MEI4: variants seen among roughly 807,000 people sequenced by gnomAD.
The protein encoded by MEI4 is meiosis-specific protein MEI4.
A neutral mutation model predicts 31.4 loss-of-function variants in MEI4; 27 were observed. The observed-to-expected ratio is 0.86, with a 90% CI of 0.63 to 1.19. The LOEUF is 1.19. Ranked by LOEUF, MEI4 falls within the 50% of genes most tolerant of loss-of-function variation. The pLI is 0.00. For missense variants in MEI4, 329 were observed against 398.9 expected, an observed-to-expected ratio of 0.82 and a Z score of 1.49; for synonymous variants, 122 against 145.4, an observed-to-expected ratio of 0.84 and a Z score of 1.16.
chr6:77,797,043 A>C (rs1769097966), intron 3 of MEI4, among the ~76,000 whole-genome samples: 1 of 152,216 alleles, frequency 6.6e-6, no homozygotes, highest in Non-Finnish European at 1.5e-5. Flanking sequence ...ACACATGTGT[A>C]TGATTAACTG....
intron 4 of MEI4, among the ~76,000 whole-genome samples, chr6:77,903,734 T>C (rs1230838937): frequency 6.6e-6 from 1 of 152,166 alleles, no homozygotes; most frequent in Non-Finnish European, 1.5e-5. Context: ...TGAAAGTTTT[T>C]AGCATGAAAT....
intron 3 of MEI4, among the ~76,000 whole-genome samples, chr6:77,813,683 T>C (rs1769625868): frequency 6.6e-6 from 1 of 152,090 alleles, no homozygotes. Context: ...GGGCTAGACC[T>C]AATGGTGGTT....
intron 2 of MEI4, among the ~76,000 whole-genome samples, chr6:77,742,264 A>C (rs1767429943): frequency 6.6e-6 from 1 of 151,362 alleles, no homozygotes; most frequent in African/African-American, 2.4e-5. Flanking sequence ...CTATTTCTCC[A>C]CATCCTCTCC....
At chr6:77,800,684 C>A (rs1198699477) in intron 3 of MEI4, among the ~76,000 whole-genome samples, 2 of 151,742 alleles carry the variant, frequency 1.3e-5, no homozygotes, top group South Asian at 4.2e-4. Context: ...CTAATTTAGT[C>A]AGAATTTTTA....
At chr6:77,913,709 T>A (rs1766479896) in intron 4 of MEI4, among the ~76,000 whole-genome samples, 1 of 151,806 alleles carries the variant, frequency 6.6e-6, no homozygotes, top group Non-Finnish European at 1.5e-5. Context: ...TAACAGATTA[T>A]CGATTTTGTT....
chr6:77,695,789 A>G (rs1224743504), intron 2 of MEI4, among the ~76,000 whole-genome samples: 1 of 152,108 alleles, frequency 6.6e-6, no homozygotes. Flanking sequence ...AGTTTTTTCC[A>G]ATTCTGTGAA....
intron 1 of MEI4, among the ~76,000 whole-genome samples, chr6:77,656,106 G>A (rs972919745): frequency 6.6e-6 from 1 of 151,956 alleles, no homozygotes; most frequent in African/African-American, 2.4e-5. Flanking sequence ...CTTTCACCAT[G>A]GCAGAACTCT....
chr6:77,689,923 A>G (rs1182548340), intron 1 of MEI4, among the ~76,000 whole-genome samples: 1 of 151,990 alleles, frequency 6.6e-6, no homozygotes, highest in Non-Finnish European at 1.5e-5. Flanking sequence ...ATACTTGAGT[A>G]GGGATGATAT....
rs1446624518 is a variant in MEI4, at chr6:77,847,846, T to C, written c.900+18784T>C. ...ATGAGGATTTTCACTTTAAATAAAATGTAGTAATCTGTAATCAATAACTCT... is the reference window on the plus strand; with the variant it reads ...ATGAGGATTTTCACTTTAAATAAAACGTAGTAATCTGTAATCAATAACTCT... On this transcript the variant is annotated intron_variant, in intron 4 of 4. Coordinates refer to ENST00000684080, the MANE Select transcript of MEI4 (RefSeq NM_001322247.2). The surrounding 1 kb of genome is among the most constrained non-coding windows in gnomAD (Gnocchi z 4.6). Among the ~76,000 whole-genome samples, 1 of 152,166 alleles carries C rather than the reference T, an allele frequency of 6.6e-6. No homozygotes were observed. The highest frequency in any genetic ancestry group is 2.4e-5 in the African/African-American group (1 of 41,450).
At chr6:77,651,781 T>G (rs1768304848), upstream of MEI4, among the ~76,000 whole-genome samples, 1 of 152,232 alleles carries the variant, frequency 6.6e-6, no homozygotes, top group Non-Finnish European at 1.5e-5. Flanking sequence ...GGACCATAAA[T>G]TCAGATGTAA....
chr6:77,742,574 C>G (rs569135998), intron 2 of MEI4, among the ~76,000 whole-genome samples: 2 of 152,272 alleles, frequency 1.3e-5, no homozygotes, highest in Admixed American at 6.5e-5. Context: ...TGTAGGTTGC[C>G]TATTCACTCT....
At chr6:77,879,331 T>A (rs1176697523) in intron 4 of MEI4, among the ~76,000 whole-genome samples, 3 of 152,144 alleles carry the variant, frequency 2.0e-5, no homozygotes, top group African/African-American at 7.2e-5. Flanking sequence ...AATGATGACA[T>A]GAAAAGTATG....
chr6:77,890,776 G>A (rs928438388), intron 4 of MEI4, among the ~76,000 whole-genome samples: 1 of 152,146 alleles, frequency 6.6e-6, no homozygotes, highest in Non-Finnish European at 1.5e-5. Context: ...GAATCATGGT[G>A]GCAGTTACCC....
rs143770699 is a variant in MEI4 at position 77,836,178 on chromosome 6, A to G, written c.900+7116A>G. ...TAGGTGTCAGACATGTATTGATTTA[A>G]AATGAATCGTTAATTTTTAAGTGAT... On this transcript the variant is annotated intron_variant, in intron 4 of 4. Coordinates refer to ENST00000684080, the MANE Select transcript of MEI4 (RefSeq NM_001322247.2). Among the ~76,000 whole-genome samples the G allele has an allele frequency of 1.4e-3, 213 of 152,276 alleles. 1 individual carries two copies. The highest frequency in any genetic ancestry group is 4.5e-3 in the African/African-American group (187 of 41,576).
intron 4 of MEI4, among the ~76,000 whole-genome samples, chr6:77,871,549 G>C (rs1771192103): frequency 6.6e-6 from 1 of 151,990 alleles, no homozygotes; most frequent in African/African-American, 2.4e-5. Flanking sequence ...CTACTAGCAG[G>C]GAGAGAGGGA....
At chr6:77,912,554 T>G (rs187405366) in intron 4 of MEI4, among the ~76,000 whole-genome samples, 2,049 of 152,078 alleles carry the variant, frequency 0.013, 51 homozygotes, top group African/African-American at 0.044. Flanking sequence ...ATGTTTTTTT[T>G]GGGGGGTAAT....
At chr6:77,736,007 G>T (rs747590180) in intron 2 of MEI4, among the ~76,000 whole-genome samples, 88 of 151,760 alleles carry the variant, frequency 5.8e-4, no homozygotes, top group Non-Finnish European at 1.2e-3. Flanking sequence ...ATCTCCAGCT[G>T]CGTGCTGGGA....
chr6:77,770,645 A>G lies in MEI4; in HGVS notation c.768+8980A>G, dbSNP rs373356676. Among the ~76,000 whole-genome samples, 6 of 152,338 alleles carry G rather than the reference A, an allele frequency of 3.9e-5. No homozygotes were observed. The East Asian group carries it at 1.2e-3, about 29-fold the overall frequency. On this transcript the variant is annotated intron_variant, in intron 3 of 4. Coordinates refer to ENST00000684080, the MANE Select transcript of MEI4 (RefSeq NM_001322247.2). ...TGAAACAGCAAGGTGCTGGTATACA[A>G]ACAGACACATAAACCAATGGAATAG... is the stretch of plus-strand genomic sequence containing the variant.
At chr6:77,865,453 C>A (rs191749572) in intron 4 of MEI4, among the ~76,000 whole-genome samples, 2 of 152,298 alleles carry the variant, frequency 1.3e-5, no homozygotes, top group African/African-American at 4.8e-5. Flanking sequence ...ATAAACACTT[C>A]TACGCAAATA....
Sources: allele counts gnomAD v4.1 joint callset (sites outside exome capture counted in the v4.1 genomes callset), GRCh38; gene constraint gnomAD v4.1.1; non-coding constraint Gnocchi (gnomAD v3.1); transcripts MANE v1.5; gene names NCBI Gene and HGNC (gene_info 2026-07-23, HGNC 2026-07-21).